The following ZNF254 variants were observed in gnomAD, a reference collection of about 807,000 sequenced individuals.
The protein encoded by ZNF254 is zinc finger protein 254, also known as CTD-2017D11.1.
Under a neutral mutation model 12.4 loss-of-function variants are expected in ZNF254, and 10 were observed. That is an observed-to-expected ratio of 0.80 (90% CI 0.50 to 1.36). The LOEUF (loss-of-function observed/expected upper bound fraction) is 1.36. Among genes scored for constraint, ZNF254 ranks in the 40% most tolerant of loss-of-function variants. ZNF254 has a pLI of 0.00. For missense variants in ZNF254, 996 were observed against 763.9 expected (o/e 1.30, Z -3.58); for synonymous variants, 305 against 253.4 (o/e 1.20, Z -1.93).
intron 1 of ZNF254, among the ~76,000 whole-genome samples, chr19:24,035,032 GA>G (rs1418010992): frequency 6.6e-6 from 1 of 152,166 alleles, no homozygotes; most frequent in African/African-American, 2.4e-5. Flanking sequence ...AGGTTAGAGA[GA>G]AAAGGACTTT....
intron 2 of ZNF254, among the ~76,000 whole-genome samples, chr19:24,057,467 T>C (rs1433647054): frequency 6.6e-6 from 1 of 152,232 alleles, no homozygotes; most frequent in Non-Finnish European, 1.5e-5. Context: ...CCATTACAAT[T>C]GTCTCCCAGT....
chr19:24,037,493 G>A (rs1314705843), intron 1 of ZNF254, among the ~76,000 whole-genome samples: 1 of 152,166 alleles, frequency 6.6e-6, no homozygotes, highest in East Asian at 1.9e-4. Context: ...GAGTGCAGTG[G>A]CACAATCTCG....
Position 24,106,541 on chromosome 19 carries a change from A to G in ZNF254, c.158-7A>G, listed in dbSNP as rs1973350784. 1.3e-6 allele frequency: 2 copies of G among 1,571,830 alleles called. No homozygotes were observed. Among genetic ancestry groups the G allele is most frequent in the Non-Finnish European group, 1.7e-6 (2 of 1,155,580 alleles). ...CAAGATTCATTTAGTTATTTTTAAT[A>G]AAACAGGTATTGCTGTCTCTAAGCC... On this transcript the variant is annotated splice_region_variant and splice_polypyrimidine_tract_variant and intron_variant, in intron 2 of 3. Coordinates refer to ENST00000357002, the MANE Select transcript of ZNF254 (RefSeq NM_203282.4).
In ZNF254 at chr19:24,087,324, G is replaced by A; in HGVS notation, c.17G>A (p.Arg6Lys). The A allele has an allele frequency of 6.2e-7, 1 of 1,613,736 alleles. No homozygotes were observed. Among genetic ancestry groups the A allele is most frequent in the East Asian group, 2.2e-5 (1 of 44,864 alleles). Reference sequence around the variant, plus strand: ...ACAGCTAAGATGCCAGGACCCCCTAGAAGCCTAGAAATGGTGAGAATGCCA... The same window carrying A: ...ACAGCTAAGATGCCAGGACCCCCTAAAAGCCTAGAAATGGTGAGAATGCCA... MPGPP[R>K]SLEMGLLTFR... is the part of the protein sequence containing the mutation. Residue 6 changes from arginine to lysine, a missense_variant, in exon 1 of 4, where the codon AGA becomes AAA. By Grantham distance (26) the Arg-to-Lys change is conservative (BLOSUM62 2). Transcript: ENST00000357002.
At chr19:24,113,760 T>C (rs1368555662) in intron 3 of ZNF254, among the ~76,000 whole-genome samples, 1 of 152,200 alleles carries the variant, frequency 6.6e-6, no homozygotes, top group African/African-American at 2.4e-5. Flanking sequence ...TGTTTGCAGA[T>C]GACATGATTG....
At chr19:24,036,519 CCTGAA>C (rs1454451494) in intron 1 of ZNF254, among the ~76,000 whole-genome samples, 1 of 151,946 alleles carries the variant, frequency 6.6e-6, no homozygotes, top group Non-Finnish European at 1.5e-5. Flanking sequence ...GGGACTGAGC[CCTGAA>C]CTTGTAGGGT....
At chr19:24,091,855 C>T in intron 1 of ZNF254, 3 of 982,000 alleles carry the variant, frequency 3.1e-6, no homozygotes, top group Non-Finnish European at 3.6e-6. Flanking sequence ...AACTTGGTAC[C>T]TCCTAGAAGT....
Position 24,106,022 on chromosome 19 carries a change from A to G in ZNF254, c.113A>G (p.Tyr38Cys), listed in dbSNP as rs1215071677. ...CTGGACATTGCACAGCAGAATTTATATAGAAATGTGATGTTAGAGAACTAC... is the reference window on the plus strand; with the variant it reads ...CTGGACATTGCACAGCAGAATTTATGTAGAAATGTGATGTTAGAGAACTAC... Reference protein sequence around the residue: ...QHLDIAQQNLYRNVMLENYRN... With the variant: ...QHLDIAQQNLCRNVMLENYRN... Residue 38 changes from tyrosine (Y) to cysteine (C), a missense_variant, in exon 2 of 4, where the codon TAT (tyrosine) becomes TGT (cysteine). By Grantham distance (194) the Tyr-to-Cys change is radical. Transcript: ENST00000357002. 7 of 1,599,506 alleles carry G rather than the reference A, an allele frequency of 4.4e-6. No individual in the cohort carries two copies. Among genetic ancestry groups the G allele is most frequent in the South Asian group, 2.2e-5 (2 of 90,806 alleles).
At chr19:24,038,708 C>T (rs974019558) in intron 1 of ZNF254, among the ~76,000 whole-genome samples, 13 of 152,180 alleles carry the variant, frequency 8.5e-5, no homozygotes, top group South Asian at 4.1e-4. Context: ...CAGTAAAGTG[C>T]ACACTGCCCT....
chr19:24,037,400 A>G (rs62113660), intron 1 of ZNF254, among the ~76,000 whole-genome samples: 21,821 of 152,196 alleles, frequency 0.14, 1,892 homozygotes, highest in Middle Eastern at 0.23. Flanking sequence ...TCCTTTTCTT[A>G]AAGCATTTAC....
At chr19:24,116,163 A>C (rs968251396) in intron 3 of ZNF254, among the ~76,000 whole-genome samples, 1 of 152,054 alleles carries the variant, frequency 6.6e-6, no homozygotes, top group Non-Finnish European at 1.5e-5. Flanking sequence ...TCAATATGAC[A>C]ATTATGTGTC....
At chr19:24,045,814 A>G (rs1257631203) in intron 1 of ZNF254, among the ~76,000 whole-genome samples, 1 of 152,120 alleles carries the variant, frequency 6.6e-6, no homozygotes. Flanking sequence ...CTGGGTTGCA[A>G]CATAACAAGG....
At chr19:24,107,832 A>G (rs554986891) in intron 3 of ZNF254, among the ~76,000 whole-genome samples, 129 of 152,284 alleles carry the variant, frequency 8.5e-4, no homozygotes, top group Non-Finnish European at 1.3e-3. Flanking sequence ...CCCCAGAGTG[A>G]TAGAATGTCC....
At chr19:24,054,774 T>C (rs746447618) in intron 2 of ZNF254, among the ~76,000 whole-genome samples, 1 of 152,166 alleles carries the variant, frequency 6.6e-6, no homozygotes, top group Non-Finnish European at 1.5e-5. Flanking sequence ...AGGACTCTAC[T>C]CTCTTAAACC....
chr19:24,098,158 T>C (rs1195662519), intron 1 of ZNF254, among the ~76,000 whole-genome samples: 3 of 152,350 alleles, frequency 2.0e-5, no homozygotes, highest in Admixed American at 6.5e-5. Flanking sequence ...CATACTTACA[T>C]ATTTATGTCT....
chr19:24,057,300 CT>C, intron 2 of ZNF254, among the ~76,000 whole-genome samples: 1 of 152,206 alleles, frequency 6.6e-6, no homozygotes, highest in East Asian at 1.9e-4. Context: ...GAAATTGTGA[CT>C]GTCATATGTG....
chr19:24,073,582 C>G (rs1971555648), intron 2 of ZNF254, among the ~76,000 whole-genome samples: 1 of 152,166 alleles, frequency 6.6e-6, no homozygotes, highest in Admixed American at 6.6e-5. Flanking sequence ...CACATGAATA[C>G]AGCTCACTGT....
Position 24,127,707 on chromosome 19 carries a change from T to A in ZNF254, c.1707T>A (p.Thr569=). ...TTACTAACCATAAGAGAATTCATACTGGAGAGAAACCCTATAAATGTGAAG... is the reference window on the plus strand; with the variant it reads ...TTACTAACCATAAGAGAATTCATACAGGAGAGAAACCCTATAAATGTGAAG... ...SILTNHKRIH[T]GEKPYKCEEC... The change falls in exon 4 of 4, where the codon ACT becomes ACA. Residue 569 remains threonine (T), a synonymous_variant. Coordinates refer to ENST00000357002, the MANE Select transcript of ZNF254 (RefSeq NM_203282.4). The A allele has an allele frequency of 6.2e-7, 1 of 1,613,440 alleles. No homozygotes were observed.
intron 3 of ZNF254, among the ~76,000 whole-genome samples, chr19:24,110,027 C>T (rs938805532): frequency 6.6e-6 from 1 of 151,976 alleles, no homozygotes; most frequent in Non-Finnish European, 1.5e-5. Flanking sequence ...CCGTACCCGG[C>T]CTCTTAACTC....
Sources: allele counts gnomAD v4.1 joint callset (sites outside exome capture counted in the v4.1 genomes callset), GRCh38; gene constraint gnomAD v4.1.1; transcripts MANE v1.5; gene names NCBI Gene and HGNC (gene_info 2026-07-23, HGNC 2026-07-21).